Variants in SPRY3 observed in about 807,000 individuals in gnomAD.
SPRY3 encodes sprouty RTK signaling antagonist 3.
Under a neutral mutation model 20.2 loss-of-function variants are expected in SPRY3, and 15 were observed. The observed-to-expected ratio is 0.74, with a 90% CI of 0.50 to 1.14. SPRY3 has a LOEUF of 1.14. Among genes scored for constraint, SPRY3 ranks in the 50% most tolerant of loss-of-function variants. The pLI is 0.00. For missense variants in SPRY3, 364 were observed against 363.9 expected, an observed-to-expected ratio of 1.00 and a Z score of 0.00; for synonymous variants, 143 against 136.5, an observed-to-expected ratio of 1.05 and a Z score of -0.33.
chrX:155,621,681 G>A (rs1458338686), intron 1 of SPRY3, among the ~76,000 whole-genome samples: 2 of 111,682 alleles, frequency 1.8e-5, no homozygotes, highest in Non-Finnish European at 3.8e-5. Context: ...TATCAGCAAA[G>A]GTCCCCTCAT....
At chrX:155,669,581 A>G (rs1557354575) in intron 2 of SPRY3, among the ~76,000 whole-genome samples, 3 of 111,517 alleles carry the variant, frequency 2.7e-5, no homozygotes, top group African/African-American at 9.7e-5. Context: ...TAGACAATTG[A>G]ATCAAGTGAT....
At chrX:155,751,145 C>A (rs762878944) in intron 2 of SPRY3, among the ~76,000 whole-genome samples, 1 of 151,750 alleles carries the variant, frequency 6.6e-6, no homozygotes, top group Non-Finnish European at 1.5e-5. Context: ...GCAGAAAAGA[C>A]AGGAAAAGAT....
chrX:155,758,227 GCCTTA>G (rs2091290821), intron 2 of SPRY3, among the ~76,000 whole-genome samples: 1 of 152,078 alleles, frequency 6.6e-6, no homozygotes, highest in African/African-American at 2.4e-5. Flanking sequence ...CAAGTATATT[GCCTTA>G]CCTTAAGTAT....
At chrX:155,697,066 T>C (rs1370412645) in intron 2 of SPRY3, among the ~76,000 whole-genome samples, 1 of 111,312 alleles carries the variant, frequency 9.0e-6, no homozygotes. Context: ...ACCCCTGTGA[T>C]GGTTAATTTT....
At chrX:155,645,383 C>A (rs1452214498) in intron 1 of SPRY3, among the ~76,000 whole-genome samples, 1 of 111,779 alleles carries the variant, frequency 8.9e-6, no homozygotes, top group Non-Finnish European at 1.9e-5. Flanking sequence ...CTAGGAGTCA[C>A]CTAGGAGTTA....
In SPRY3 at chrX:155,648,317, G is replaced by C. The variant is rs782814633; in HGVS notation, c.-440-8550G>C. ...TCTTTAGTTTAATTAGATCCCATTT[G>C]TCAATGTTGGCTTTTGTTACCGTTG... On this transcript the variant is annotated intron_variant, in intron 1 of 3. Coordinates refer to ENST00000675360, the Ensembl canonical transcript of SPRY3. 3.6e-5 allele frequency among the ~76,000 whole-genome samples: 4 copies of C among 112,662 alleles called. No individual in the cohort carries two copies. In the South Asian group the frequency reaches 1.4e-3, roughly 41 times the overall value.
intron 2 of SPRY3, among the ~76,000 whole-genome samples, chrX:155,684,252 A>G (rs1284132430): frequency 9.0e-6 from 1 of 111,015 alleles, no homozygotes; most frequent in Non-Finnish European, 1.9e-5. Context: ...GATGTTGAAA[A>G]TACAGGAGAA....
chrX:155,771,065 T>C (rs2091377688), intron 3 of SPRY3, among the ~76,000 whole-genome samples: 2 of 152,198 alleles, frequency 1.3e-5, no homozygotes, highest in Non-Finnish European at 2.9e-5. Flanking sequence ...GTTCATCCTG[T>C]CAGTTCCCTT....
At chrX:155,719,805 TCAG>T (rs1309279119) in intron 2 of SPRY3, among the ~76,000 whole-genome samples, 1 of 151,296 alleles carries the variant, frequency 6.6e-6, no homozygotes, top group Non-Finnish European at 1.5e-5. Flanking sequence ...CCCTGAATAA[TCAG>T]CAGTAATCCC....
At chrX:155,764,780 CA>C (rs1222776887) in intron 2 of SPRY3, among the ~76,000 whole-genome samples, 1 of 152,054 alleles carries the variant, frequency 6.6e-6, no homozygotes, top group Non-Finnish European at 1.5e-5. Flanking sequence ...GGTGATTAGG[CA>C]AGGCTTTTCC....
At chrX:155,774,618 A>T (rs306888) in exon 4 of SPRY3, 15 of 1,613,654 alleles carry the variant, frequency 9.3e-6, no homozygotes, top group Non-Finnish European at 9.3e-6. Flanking sequence ...ATCTGTGCCA[A>T]CAGGGCTATG....
intron 2 of SPRY3, among the ~76,000 whole-genome samples, chrX:155,687,054 A>G (rs1302573671): frequency 8.9e-6 from 1 of 112,805 alleles, no homozygotes; most frequent in Non-Finnish European, 1.9e-5. Context: ...TTTTTTCATA[A>G]TATATCTGCT....
At chrX:155,723,086 T>C (rs2091072004) in intron 2 of SPRY3, among the ~76,000 whole-genome samples, 1 of 152,170 alleles carries the variant, frequency 6.6e-6, no homozygotes, top group Non-Finnish European at 1.5e-5. Flanking sequence ...TCCAGCTTCA[T>C]CCACGTCCCT....
At chrX:155,769,079 A>G (rs1337700191) in intron 3 of SPRY3, among the ~76,000 whole-genome samples, 4 of 152,246 alleles carry the variant, frequency 2.6e-5, no homozygotes, top group Non-Finnish European at 4.4e-5. Flanking sequence ...AATAAGGCAC[A>G]GGCTAGCCGT....
chrX:155,620,708 A>G (rs2067868418), intron 1 of SPRY3, among the ~76,000 whole-genome samples: 2 of 111,631 alleles, frequency 1.8e-5, no homozygotes, highest in Non-Finnish European at 3.8e-5. Context: ...AGTAATGACA[A>G]AACCCTTCGG....
At chrX:155,776,208 T>A (rs1271773658) in exon 4 of SPRY3, 6 of 167,068 alleles carry the variant, frequency 3.6e-5, no homozygotes, top group Non-Finnish European at 7.3e-5. Flanking sequence ...AACTATCAGG[T>A]GTTGAGGCTG....
intron 2 of SPRY3, among the ~76,000 whole-genome samples, chrX:155,720,028 G>A (rs1029848281): frequency 6.6e-6 from 1 of 152,132 alleles, no homozygotes; most frequent in African/African-American, 2.4e-5. Context: ...CTCTTTGATG[G>A]CATTTCTGGA....
At chrX:155,746,350 A>T (rs1484031834) in intron 2 of SPRY3, among the ~76,000 whole-genome samples, 1 of 152,012 alleles carries the variant, frequency 6.6e-6, no homozygotes, top group Non-Finnish European at 1.5e-5. Flanking sequence ...GATTTTTAGA[A>T]ATTATTCCAG....
At chrX:155,708,408 G>T (rs963272090) in intron 2 of SPRY3, among the ~76,000 whole-genome samples, 13 of 151,092 alleles carry the variant, frequency 8.6e-5, no homozygotes, top group Non-Finnish European at 1.9e-4. Context: ...CCTTATACAT[G>T]ATGAGTTATC....
Sources: gnomAD v4.1 joint callset for allele counts (sites outside exome capture counted in the v4.1 genomes callset) on GRCh38, gnomAD v4.1.1 for gene constraint, MANE v1.5 for transcripts, NCBI Gene and HGNC (gene_info 2026-07-23, HGNC 2026-07-21) for gene names.